STXBP5L: variants seen among roughly 807,000 people sequenced by gnomAD.
The protein encoded by STXBP5L is syntaxin-binding protein 5-like.
A neutral mutation model predicts 144.5 loss-of-function variants in STXBP5L; 65 were observed. The ratio of observed to expected loss-of-function variants is 0.45; its 90% CI spans 0.37 to 0.55. STXBP5L has a LOEUF of 0.55. STXBP5L is among the 20% of genes least tolerant of loss of function. The pLI is 0.00. For synonymous variants in STXBP5L, 505 were observed against 469.6 expected, an observed-to-expected ratio of 1.08 and a Z score of -0.97; for missense variants, 1,298 against 1,405.5, an observed-to-expected ratio of 0.92 and a Z score of 1.22.
rs956740419 is a variant in STXBP5L at position 121,375,041 on chromosome 3, A to T, written c.2177-3675A>T. On this transcript the variant is annotated intron_variant, in intron 20 of 26. Coordinates refer to ENST00000471454, the MANE Select transcript of STXBP5L (RefSeq NM_001308330.2). The stretch of plus-strand genomic sequence containing the variant: ...GGGAGGGTGGGAGGGTGGGAGGGGG[A>T]GTGAAAGAGGAGAAATTACTTACCA... 2.3e-4 allele frequency among the ~76,000 whole-genome samples: 35 copies of T among 151,560 alleles called. No individual in the cohort carries two copies. In the East Asian group the frequency reaches 5.4e-3, roughly 24 times the overall value.
intron 19 of STXBP5L, among the ~76,000 whole-genome samples, chr3:121,315,576 A>G (rs766304034): frequency 6.6e-6 from 1 of 152,112 alleles, no homozygotes; most frequent in Non-Finnish European, 1.5e-5. Flanking sequence ...TGGCACATGT[A>G]TACATATGTA....
At chr3:121,317,498 A>G (rs1176321574) in intron 19 of STXBP5L, among the ~76,000 whole-genome samples, 2 of 152,222 alleles carry the variant, frequency 1.3e-5, no homozygotes, top group Non-Finnish European at 2.9e-5. Flanking sequence ...TATAAATTGT[A>G]TAAAGAAGAG....
chr3:121,346,411 T>C (rs1286194318), intron 20 of STXBP5L, among the ~76,000 whole-genome samples: 1 of 152,156 alleles, frequency 6.6e-6, no homozygotes, highest in African/African-American at 2.4e-5. Context: ...GCAATAAACA[T>C]ACATGTGCAT....
At chr3:121,404,544 T>A (rs140226711) in intron 22 of STXBP5L, among the ~76,000 whole-genome samples, 1 of 152,266 alleles carries the variant, frequency 6.6e-6, no homozygotes, top group East Asian at 1.9e-4. Context: ...GTCTTTACCA[T>A]GTCCTGAAAG....
chr3:120,941,428 A>G (rs1710561738), intron 2 of STXBP5L, among the ~76,000 whole-genome samples: 2 of 151,880 alleles, frequency 1.3e-5, no homozygotes, highest in Middle Eastern at 3.4e-3. Flanking sequence ...AATTCAGTTT[A>G]ATATGGTGAC....
intron 5 of STXBP5L, among the ~76,000 whole-genome samples, chr3:121,106,531 T>C (rs1482998514): frequency 2.6e-5 from 4 of 152,192 alleles, no homozygotes; most frequent in Admixed American, 1.3e-4. Flanking sequence ...TTGCTGAGGA[T>C]AATGGCTTTG....
chr3:121,381,718 GT>G (rs2046328778), intron 22 of STXBP5L, among the ~76,000 whole-genome samples, 186 bp downstream of exon 22: 1 of 152,076 alleles, frequency 6.6e-6, no homozygotes, highest in Non-Finnish European at 1.5e-5. Flanking sequence ...TTCCTTTGGG[GT>G]AAAAGAGTAC....
intron 20 of STXBP5L, among the ~76,000 whole-genome samples, chr3:121,338,267 AG>A (rs1290505642): frequency 6.6e-6 from 1 of 152,142 alleles, no homozygotes; most frequent in Non-Finnish European, 1.5e-5. Flanking sequence ...CAAAACAAAA[AG>A]TTGGTTCTTT....
intron 22 of STXBP5L, among the ~76,000 whole-genome samples, chr3:121,405,625 G>C (rs1170604656): frequency 6.6e-6 from 1 of 152,072 alleles, no homozygotes; most frequent in Admixed American, 6.6e-5. Context: ...TATTATTGAA[G>C]CCCATAAGTT....
At chr3:121,002,405 T>C (rs1431403721) in intron 3 of STXBP5L, among the ~76,000 whole-genome samples, 1 of 152,182 alleles carries the variant, frequency 6.6e-6, no homozygotes, top group African/African-American at 2.4e-5. Context: ...TTGAGGGTTT[T>C]TTTTGTTATT....
At chr3:121,213,367 T>G (rs2048655098) in intron 10 of STXBP5L, among the ~76,000 whole-genome samples, 4 of 152,184 alleles carry the variant, frequency 2.6e-5, no homozygotes. Flanking sequence ...TAGCTCTTAT[T>G]ATTTTGAAAT....
At chr3:121,086,362 G>A (rs2107711740) in intron 5 of STXBP5L, among the ~76,000 whole-genome samples, 1 of 152,142 alleles carries the variant, frequency 6.6e-6, no homozygotes, top group African/African-American at 2.4e-5. Context: ...GTCAATGATG[G>A]ACTACATATA....
intron 2 of STXBP5L, among the ~76,000 whole-genome samples, chr3:120,915,043 C>T (rs1709040547): frequency 6.6e-6 from 1 of 152,092 alleles, no homozygotes; most frequent in East Asian, 1.9e-4. Context: ...ATCACATTTT[C>T]TCACAAAAAG....
chr3:121,381,563 T>A (rs767226873), intron 22 of STXBP5L, 31 bp downstream of exon 22: 1 of 1,575,220 alleles, frequency 6.3e-7, no homozygotes, highest in Non-Finnish European at 8.6e-7. Flanking sequence ...ATTCCTTCAC[T>A]GTTACTTTTT....
Position 121,334,617 on chromosome 3 carries a change from C to A in STXBP5L, c.2176+16077C>A, listed in dbSNP as rs191967713. ...AAAAATACGTGCAAATCAAATCCAG[C>A]AACACATCAAAAAGCTATTCCACCA... On this transcript the variant is annotated intron_variant, in intron 20 of 26. Coordinates refer to ENST00000471454, the MANE Select transcript of STXBP5L (RefSeq NM_001308330.2). Among the ~76,000 whole-genome samples the A allele has an allele frequency of 1.4e-3, 215 of 152,124 alleles. 1 individual carries two copies. The highest frequency in any genetic ancestry group is 5.0e-3 in the African/African-American group (208 of 41,454).
intron 3 of STXBP5L, among the ~76,000 whole-genome samples, chr3:121,014,793 C>G (rs1274066496): frequency 1.3e-5 from 2 of 151,684 alleles, no homozygotes; most frequent in Non-Finnish European, 1.5e-5. Context: ...CTCAATGAAT[C>G]TAAAAAGCAA....
At chr3:121,180,478 A>G (rs533435552) in intron 9 of STXBP5L, among the ~76,000 whole-genome samples, 56 of 152,342 alleles carry the variant, frequency 3.7e-4, no homozygotes, top group African/African-American at 1.3e-3. Flanking sequence ...ACCAAAATAG[A>G]AACTCCTTAA....
rs145579272 is a variant in STXBP5L, at chr3:121,352,545, C to G, written c.2177-26171C>G. 5.0e-3 allele frequency among the ~76,000 whole-genome samples: 767 copies of G among 152,190 alleles called. 13 individuals carry two copies. Among genetic ancestry groups the G allele is most frequent in the African/African-American group, 0.017 (722 of 41,490 alleles). ...TGTACATTGATTTTGTATCCAGAGA[C>G]TTTGCTGAAGTTGCTTATCAGATAA... On this transcript the variant is annotated intron_variant, in intron 20 of 26. Transcript: ENST00000471454.
intron 18 of STXBP5L, among the ~76,000 whole-genome samples, chr3:121,272,022 T>C (rs989575122): frequency 6.6e-6 from 1 of 152,260 alleles, no homozygotes; most frequent in African/African-American, 2.4e-5. Flanking sequence ...ATGATTTCAA[T>C]CAGCTAAGAT....
Sources: allele counts gnomAD v4.1 joint callset (sites outside exome capture counted in the v4.1 genomes callset), GRCh38; gene constraint gnomAD v4.1.1; transcripts MANE v1.5; gene names NCBI Gene and HGNC (gene_info 2026-07-23, HGNC 2026-07-21).